The following GALNT17 variants were observed in gnomAD, a reference collection of about 807,000 sequenced individuals.
GALNT17 encodes the protein polypeptide N-acetylgalactosaminyltransferase 17.
Under a neutral mutation model 63.7 loss-of-function variants are expected in GALNT17, and 29 were observed. That is an observed-to-expected ratio of 0.46 (90% CI 0.34 to 0.62). GALNT17 has a LOEUF of 0.62. Ranked by LOEUF, GALNT17 falls within the 20% of genes least tolerant of loss-of-function variation. The probability of loss-of-function intolerance (pLI) is 0.01; values close to 1 mark genes in which losing one functional copy is unlikely to be tolerated. For missense variants in GALNT17, 603 were observed against 799.6 expected, an observed-to-expected ratio of 0.75 and a Z score of 2.97; for synonymous variants, 305 against 318.3, an observed-to-expected ratio of 0.96 and a Z score of 0.45.
chr7:71,272,505 AT>A (rs1790611659), intron 1 of GALNT17, among the ~76,000 whole-genome samples: 1 of 152,194 alleles, frequency 6.6e-6, no homozygotes, highest in Admixed American at 6.5e-5. Flanking sequence ...ATTGTCAGGT[AT>A]TTTTTTAAGC....
intron 1 of GALNT17, among the ~76,000 whole-genome samples, chr7:71,145,480 A>G (rs990350182): frequency 6.6e-6 from 1 of 152,130 alleles, no homozygotes; most frequent in Non-Finnish European, 1.5e-5. Context: ...CCTGGGTGAC[A>G]GAGTGAGACC....
chr7:71,433,876 C>T (rs1450775027), intron 5 of GALNT17, among the ~76,000 whole-genome samples: 2 of 152,286 alleles, frequency 1.3e-5, no homozygotes, highest in East Asian at 3.9e-4. Flanking sequence ...AGTCACTGGA[C>T]TGGGAGAGGC....
intron 1 of GALNT17, among the ~76,000 whole-genome samples, chr7:71,238,519 C>T (rs1789937028): frequency 6.6e-6 from 1 of 152,174 alleles, no homozygotes; most frequent in Non-Finnish European, 1.5e-5. Flanking sequence ...GCCATCACCC[C>T]ACTGCACCTG....
intron 6 of GALNT17, among the ~76,000 whole-genome samples, chr7:71,577,293 G>A (rs1182100770): frequency 6.6e-6 from 1 of 152,178 alleles, no homozygotes; most frequent in Non-Finnish European, 1.5e-5. Flanking sequence ...GGCATCGGTT[G>A]TTCCTCCAAA....
At position 71,223,052 on chromosome 7, in the gene GALNT17, A is replaced by G. The variant is rs779713048; in HGVS notation, c.238+90012A>G. On this transcript the variant is annotated intron_variant, in intron 1 of 10. Coordinates refer to ENST00000333538, the MANE Select transcript of GALNT17 (RefSeq NM_022479.3). The stretch of plus-strand genomic sequence containing the variant: ...CACACCACTGCACTCCAGCCTGGGC[A>G]ACAGGGAGAGACCACCTGTCCCCCT... 3.2e-3 allele frequency among the ~76,000 whole-genome samples: 480 copies of G among 152,280 alleles called. 8 individuals carry two copies. The highest frequency in any genetic ancestry group is 2.1e-3 in the Non-Finnish European group (142 of 68,032).
At chr7:71,515,946 G>A (rs563392426) in intron 5 of GALNT17, among the ~76,000 whole-genome samples, 142 of 152,254 alleles carry the variant, frequency 9.3e-4, no homozygotes, top group South Asian at 6.2e-3. Flanking sequence ...TCACTTTCTC[G>A]TGAGGCTTTC....
At chr7:71,362,855 G>T (rs1792431040) in intron 2 of GALNT17, among the ~76,000 whole-genome samples, 1 of 152,122 alleles carries the variant, frequency 6.6e-6, no homozygotes, top group African/African-American at 2.4e-5. Context: ...CCGTACACGG[G>T]TTGTTTGATG....
At chr7:71,307,005 G>A (rs1791313209) in intron 1 of GALNT17, among the ~76,000 whole-genome samples, 1 of 152,048 alleles carries the variant, frequency 6.6e-6, no homozygotes, top group African/African-American at 2.4e-5. Flanking sequence ...TGTATTTTTA[G>A]TGGAGATGGG....
At position 71,388,196 on chromosome 7, in the gene GALNT17, C is replaced by T. The variant is rs1792983487; in HGVS notation, c.423-39C>T. 1.9e-6 allele frequency: 3 copies of T among 1,597,246 alleles called. No individual in the cohort carries two copies. The South Asian group carries it at 3.4e-5, about 18-fold the overall frequency. Reference sequence around the variant, plus strand: ...CAGCTGCAGTGCCTGAGCTTTTATCCTTCCTCTGACTCTGCATTTCCGATC... The same window carrying T: ...CAGCTGCAGTGCCTGAGCTTTTATCTTTCCTCTGACTCTGCATTTCCGATC... On this transcript the variant is annotated intron_variant, in intron 2 of 10. Transcript: ENST00000333538.
At chr7:71,356,310 G>A (rs1455448785) in intron 2 of GALNT17, among the ~76,000 whole-genome samples, 1 of 152,072 alleles carries the variant, frequency 6.6e-6, no homozygotes, top group Non-Finnish European at 1.5e-5. Flanking sequence ...TAGTTCAAAG[G>A]GACCATTGTC....
At chr7:71,176,471 C>T (rs1183796985) in intron 1 of GALNT17, among the ~76,000 whole-genome samples, 2 of 151,914 alleles carry the variant, frequency 1.3e-5, no homozygotes, top group African/African-American at 2.4e-5. Flanking sequence ...GTCTCCATGG[C>T]GGGGAGGCAT....
intron 6 of GALNT17, among the ~76,000 whole-genome samples, chr7:71,640,999 G>A (rs1474714532): frequency 6.6e-6 from 1 of 152,144 alleles, no homozygotes; most frequent in Non-Finnish European, 1.5e-5. Context: ...AGATTCTGAG[G>A]CCCCTCCCAA....
At chr7:71,700,007 A>C (rs1013652836) in intron 9 of GALNT17, among the ~76,000 whole-genome samples, 1 of 151,886 alleles carries the variant, frequency 6.6e-6, no homozygotes, top group Non-Finnish European at 1.5e-5. Flanking sequence ...TAGAATAATT[A>C]TTGGCCAGGC....
chr7:71,609,939 A>G (rs1023887264), intron 6 of GALNT17, among the ~76,000 whole-genome samples: 2 of 152,162 alleles, frequency 1.3e-5, no homozygotes, highest in Non-Finnish European at 2.9e-5. Context: ...CAATTATATG[A>G]TGAGTGAATG....
At chr7:71,275,452 A>C (rs980518562) in intron 1 of GALNT17, among the ~76,000 whole-genome samples, 1 of 152,176 alleles carries the variant, frequency 6.6e-6, no homozygotes. Context: ...TCAGACCCTG[A>C]AGATCAGAAG....
At chr7:71,205,507 C>T (rs1330063936) in intron 1 of GALNT17, among the ~76,000 whole-genome samples, 6 of 152,082 alleles carry the variant, frequency 3.9e-5, no homozygotes, top group African/African-American at 1.2e-4. Flanking sequence ...ATTGCAGCCT[C>T]GAACTCCTGG....
chr7:71,179,267 A>C (rs1371552379), intron 1 of GALNT17, among the ~76,000 whole-genome samples: 1 of 152,220 alleles, frequency 6.6e-6, no homozygotes, highest in African/African-American at 2.4e-5. Context: ...TTTGTGTCTT[A>C]TCTACCTATG....
At chr7:71,364,137 C>G (rs2527299) in intron 2 of GALNT17, among the ~76,000 whole-genome samples, 76,385 of 151,876 alleles carry the variant, frequency 0.5, 19,728 homozygotes, top group East Asian at 0.88. Context: ...CTATTTGTAG[C>G]CTTTTATCCC....
At position 71,383,824 on chromosome 7, in the gene GALNT17, C is replaced by G. The variant is rs115569293; in HGVS notation, c.423-4411C>G. 3.9e-3 allele frequency among the ~76,000 whole-genome samples: 588 copies of G among 152,268 alleles called. 3 individuals carry two copies. The highest frequency in any genetic ancestry group is 0.013 in the African/African-American group (550 of 41,544). On this transcript the variant is annotated intron_variant, in intron 2 of 10. Transcript: ENST00000333538. ...AGAACCTGTGGATTAGAAAGGCTGA[C>G]TCCACATACTACATTTTCTTGATTC... is the stretch of plus-strand genomic sequence containing the variant.
Sources: gnomAD v4.1 joint callset for allele counts (sites outside exome capture counted in the v4.1 genomes callset) on GRCh38, gnomAD v4.1.1 for gene constraint, MANE v1.5 for transcripts, NCBI Gene and HGNC (gene_info 2026-07-23, HGNC 2026-07-21) for gene names.